The following PKP4 variants were observed in gnomAD, a reference collection of about 807,000 sequenced individuals.
PKP4 encodes the protein plakophilin 4.
Under a neutral mutation model 145.1 loss-of-function variants are expected in PKP4, and 90 were observed. That is an observed-to-expected ratio of 0.62 (90% CI 0.52 to 0.74). PKP4 has a LOEUF of 0.74. PKP4 is among the 30% of genes least tolerant of loss of function. PKP4 has a pLI of 0.00. For missense variants in PKP4, 1,340 were observed against 1,482.7 expected (o/e 0.90, Z 1.58); for synonymous variants, 563 against 577.2 (o/e 0.98, Z 0.35).
At chr2:158,591,081 A>T (rs2049234498) in intron 3 of PKP4, among the ~76,000 whole-genome samples, 1 of 152,140 alleles carries the variant, frequency 6.6e-6, no homozygotes, top group Admixed American at 6.5e-5. Context: ...TGATACATTC[A>T]TTAGAACCAG....
At chr2:158,469,761 A>G (rs1241276396) in intron 1 of PKP4, among the ~76,000 whole-genome samples, 2 of 152,238 alleles carry the variant, frequency 1.3e-5, no homozygotes, top group Non-Finnish European at 2.9e-5. Flanking sequence ...CATTTTTAAT[A>G]TGGTGCTTTT....
intron 1 of PKP4, among the ~76,000 whole-genome samples, chr2:158,459,472 G>GA (rs924731661): frequency 3.6e-4 from 54 of 151,464 alleles, no homozygotes; most frequent in South Asian, 1.3e-3. Flanking sequence ...CAACAGAAAG[G>GA]AAAAAAAATA....
rs756469970 is a variant in PKP4, at chr2:158,621,436, T to C, written c.603+15T>C. 2 of 1,608,552 alleles carry C rather than the reference T, an allele frequency of 1.2e-6. No homozygotes were observed. Among genetic ancestry groups the C allele is most frequent in the Non-Finnish European group, 1.7e-6 (2 of 1,175,214 alleles). ...CACTGGTTCAGGTAAGCCAAACGCA[T>C]CAAGATCTCTGCAAAGAAATACCTT... On this transcript the variant is annotated intron_variant, in intron 6 of 21. Coordinates refer to ENST00000389759, the MANE Select transcript of PKP4 (RefSeq NM_003628.6).
intron 1 of PKP4, among the ~76,000 whole-genome samples, chr2:158,473,111 C>T (rs1182111770): frequency 6.6e-6 from 1 of 152,174 alleles, no homozygotes; most frequent in Non-Finnish European, 1.5e-5. Flanking sequence ...CAATGAGATA[C>T]CATTTCACAC....
At chr2:158,592,291 C>G (rs1181842574) in intron 3 of PKP4, among the ~76,000 whole-genome samples, 2 of 151,986 alleles carry the variant, frequency 1.3e-5, no homozygotes, top group Non-Finnish European at 2.9e-5. Flanking sequence ...AACCACTTTT[C>G]TAGGATCCAG....
intron 17 of PKP4, among the ~76,000 whole-genome samples, chr2:158,673,255 C>A (rs535703216): frequency 6.6e-6 from 1 of 152,258 alleles, no homozygotes; most frequent in Non-Finnish European, 1.5e-5. Flanking sequence ...TAGATGAAGG[C>A]TTAATAAAGA....
At position 158,680,959 on chromosome 2, in the gene PKP4, T is replaced by A; in HGVS notation, c.*282T>A. Reference sequence around the variant, plus strand: ...TGAGAGGTTTGAGAAATGGGTGAAATGAAATGGGGGATATGTAGGTCAAAT... The same window carrying A: ...TGAGAGGTTTGAGAAATGGGTGAAAAGAAATGGGGGATATGTAGGTCAAAT... On this transcript the variant is annotated 3_prime_UTR_variant, in exon 22 of 22. Coordinates refer to ENST00000389759, the MANE Select transcript of PKP4 (RefSeq NM_003628.6). The A allele has an allele frequency of 3.1e-6, 1 of 327,580 alleles. No individual in the cohort carries two copies. Among genetic ancestry groups the A allele is most frequent in the Non-Finnish European group, 5.6e-6 (1 of 179,772 alleles). The allele number at this position is 327,580 out of a possible 1,614,324, so 20.3% of individuals were successfully genotyped here.
At chr2:158,671,529 C>G (rs1430857180) in intron 17 of PKP4, among the ~76,000 whole-genome samples, 1 of 152,166 alleles carries the variant, frequency 6.6e-6, no homozygotes, top group Non-Finnish European at 1.5e-5. Context: ...AATTGCTACC[C>G]AGTCTAATCT....
At chr2:158,639,339 T>TGTGTGTGC (rs1553468386) in intron 9 of PKP4, among the ~76,000 whole-genome samples, 2 of 152,004 alleles carry the variant, frequency 1.3e-5, no homozygotes, top group South Asian at 2.1e-4. Context: ...TGTGTGTGTG[T>TGTGTGTGC]GTGCGTGCGT....
At chr2:158,479,697 G>A (rs1693045528) in intron 1 of PKP4, among the ~76,000 whole-genome samples, 1 of 151,702 alleles carries the variant, frequency 6.6e-6, no homozygotes, top group Non-Finnish European at 1.5e-5. Context: ...ACTGTATTAA[G>A]GAAAAAAAAG....
chr2:158,509,405 A>G (rs2041296617), intron 1 of PKP4, among the ~76,000 whole-genome samples: 1 of 152,138 alleles, frequency 6.6e-6, no homozygotes, highest in African/African-American at 2.4e-5. Flanking sequence ...CTATATTTTT[A>G]TTGGCAACAA....
intron 2 of PKP4, among the ~76,000 whole-genome samples, chr2:158,574,911 G>A (rs958093104): frequency 2.0e-5 from 3 of 152,214 alleles, no homozygotes; most frequent in Admixed American, 2.0e-4. Flanking sequence ...CATCATGCAT[G>A]TATAGGCTTT....
At chr2:158,539,330 G>T (rs1178711771) in intron 2 of PKP4, among the ~76,000 whole-genome samples, 1 of 152,146 alleles carries the variant, frequency 6.6e-6, no homozygotes, top group Non-Finnish European at 1.5e-5. Context: ...GCCCAGAAGT[G>T]AACAAATTCC....
chr2:158,504,455 C>T (rs1559235807), intron 1 of PKP4, among the ~76,000 whole-genome samples: 1 of 152,194 alleles, frequency 6.6e-6, no homozygotes, highest in Non-Finnish European at 1.5e-5. Flanking sequence ...TATTTCTTTG[C>T]TTCTCATTCT....
At chr2:158,599,349 C>T (rs1353242495) in intron 3 of PKP4, among the ~76,000 whole-genome samples, 2 of 152,194 alleles carry the variant, frequency 1.3e-5, no homozygotes, top group Non-Finnish European at 2.9e-5. Context: ...CTGCCTTAGG[C>T]TCTGGCCATT....
intron 3 of PKP4, 37 bp from the exon 4 acceptor site, chr2:158,603,033 A>C: frequency 7.5e-7 from 1 of 1,324,842 alleles, no homozygotes; most frequent in Non-Finnish European, 1.0e-6. Flanking sequence ...ATGACAAAAT[A>C]AATAAATGTT....
At chr2:158,554,975 T>TAAA (rs3836165) in intron 2 of PKP4, among the ~76,000 whole-genome samples, 41,920 of 151,438 alleles carry the variant, frequency 0.28, 6,974 homozygotes, top group Middle Eastern at 0.42. Flanking sequence ...ATTTACTTGT[T>TAAA]TAAATAATCC....
At chr2:158,485,137 A>G (rs1693982572) in intron 1 of PKP4, among the ~76,000 whole-genome samples, 1 of 152,168 alleles carries the variant, frequency 6.6e-6, no homozygotes, top group Non-Finnish European at 1.5e-5. Flanking sequence ...CCTTCTCTAT[A>G]ATTAGAATGT....
intron 11 of PKP4, among the ~76,000 whole-genome samples, chr2:158,654,037 A>G (rs1020915160): frequency 6.6e-6 from 1 of 152,248 alleles, no homozygotes; most frequent in Non-Finnish European, 1.5e-5. Context: ...TAATCATTTC[A>G]TATCTAAGGC....
Sources: allele counts gnomAD v4.1 joint callset (sites outside exome capture counted in the v4.1 genomes callset), GRCh38; gene constraint gnomAD v4.1.1; transcripts MANE v1.5; gene names NCBI Gene and HGNC (gene_info 2026-07-23, HGNC 2026-07-21).